Variants in RYR3 observed in about 807,000 individuals in gnomAD.
The protein encoded by RYR3 is ryanodine receptor 3, also known as brain ryanodine receptor-calcium release channel.
RYR3 carries 207 observed loss-of-function variants against 584.3 expected under a neutral mutation model. The ratio of observed to expected loss-of-function variants is 0.35; its 90% CI spans 0.32 to 0.40. The LOEUF is 0.40. RYR3 is among the 10% of genes least tolerant of loss of function. RYR3 has a pLI of 1.00. For synonymous variants in RYR3, 2,416 were observed against 2,248.5 expected (o/e 1.07, Z -2.11); for missense variants, 5,616 against 6,089.2 (o/e 0.92, Z 2.59).
intron 67 of RYR3, among the ~76,000 whole-genome samples, chr15:33,793,543 A>C (rs1310838850): frequency 6.6e-6 from 1 of 152,098 alleles, no homozygotes; most frequent in African/African-American, 2.4e-5. Flanking sequence ...ATATATAATA[A>C]AAAAAACTCC....
Position 33,702,400 on chromosome 15 carries a change from C to CA in RYR3, c.6483+1322dup, listed in dbSNP as rs554810038. Among the ~76,000 whole-genome samples, 36 of 152,294 alleles carry CA rather than the reference C, an allele frequency of 2.4e-4. No individual in the cohort carries two copies. In the East Asian group the frequency reaches 6.0e-3, roughly 25 times the overall value. ...TCAAAGCCCAAGACTGTGCTGGCTT[C>CA]AATTAATATTGATGCAGTGGGTGTG... On this transcript the variant is annotated intron_variant, in intron 42 of 103. Transcript: ENST00000634891.
chr15:33,550,136 T>G, intron 9 of RYR3, 24 bp from the exon 10 acceptor site: 1 of 1,605,334 alleles, frequency 6.2e-7, no homozygotes. Flanking sequence ...TAAATGCAAT[T>G]TCTTGTCTGT....
chr15:33,555,669 A>G (rs904260091), intron 10 of RYR3, among the ~76,000 whole-genome samples: 1 of 152,232 alleles, frequency 6.6e-6, no homozygotes, highest in African/African-American at 2.4e-5. Context: ...AAATGAGACC[A>G]GGAAGATGAC....
At chr15:33,759,479 C>T (rs1454020172) in intron 60 of RYR3, among the ~76,000 whole-genome samples, 1 of 152,166 alleles carries the variant, frequency 6.6e-6, no homozygotes, top group Non-Finnish European at 1.5e-5. Context: ...AAAAACACAG[C>T]ACAAGAACTT....
chr15:33,685,035 A>C (rs2064891869), intron 38 of RYR3, among the ~76,000 whole-genome samples: 1 of 152,242 alleles, frequency 6.6e-6, no homozygotes, highest in Non-Finnish European at 1.5e-5. Context: ...AAACTGTATC[A>C]ATTAACAGGC....
intron 16 of RYR3, among the ~76,000 whole-genome samples, chr15:33,598,960 C>T (rs1289882745): frequency 6.6e-6 from 1 of 151,850 alleles, no homozygotes; most frequent in African/African-American, 2.4e-5. Context: ...GAGACTGAGG[C>T]AGGAGAATGG....
intron 1 of RYR3, among the ~76,000 whole-genome samples, chr15:33,425,787 G>A (rs571417629): frequency 0.016 from 2,490 of 151,608 alleles, 32 homozygotes; most frequent in Middle Eastern, 0.027. Context: ...GACTACAGGC[G>A]CCCGCCACCA....
chr15:33,410,735 G>T (rs951833362), intron 1 of RYR3, among the ~76,000 whole-genome samples: 1 of 152,188 alleles, frequency 6.6e-6, no homozygotes, highest in Non-Finnish European at 1.5e-5. Flanking sequence ...GGAAGGCCAC[G>T]AGAGGAACCA....
At chr15:33,628,761 C>T (rs1038999410) in intron 21 of RYR3, among the ~76,000 whole-genome samples, 186 bp downstream of exon 21, 3 of 152,092 alleles carry the variant, frequency 2.0e-5, no homozygotes, top group East Asian at 3.8e-4. Flanking sequence ...TTATTTTATT[C>T]GGGATATAGC....
Position 33,494,103 on chromosome 15 carries a change from T to G in RYR3, c.172-9528T>G, listed in dbSNP as rs374766526. 5.0e-4 allele frequency among the ~76,000 whole-genome samples: 9 copies of G among 17,868 alleles called. No individual in the cohort carries two copies. The African/African-American group carries it at 9.5e-3, about 19-fold the overall frequency. The allele number at this position is 17,868 out of a possible 152,430, so 11.7% of individuals were successfully genotyped here. A position where few individuals can be genotyped will look rare whatever the true frequency, so the allele number is the denominator to read the frequency against. ...GGCAAAGAAACAGTGATTGTGGCTA[T>G]TTTTTTTTTTAGCTCTTTATCACAT... is the stretch of plus-strand genomic sequence containing the variant. On this transcript the variant is annotated intron_variant, in intron 2 of 103. Transcript: ENST00000634891.
chr15:33,613,948 G>C (rs1224896452), intron 19 of RYR3, among the ~76,000 whole-genome samples: 1 of 152,034 alleles, frequency 6.6e-6, no homozygotes, highest in African/African-American at 2.4e-5. Context: ...CCATTACTTT[G>C]CTGTTCAAGT....
At chr15:33,776,701 G>C (rs1173012021) in intron 64 of RYR3, among the ~76,000 whole-genome samples, 2 of 152,056 alleles carry the variant, frequency 1.3e-5, no homozygotes, top group African/African-American at 4.8e-5. Flanking sequence ...GTACCCTCTG[G>C]AATATAAATG....
At chr15:33,579,538 G>A (rs1413811979) in intron 12 of RYR3, among the ~76,000 whole-genome samples, 1 of 152,128 alleles carries the variant, frequency 6.6e-6, no homozygotes, top group African/African-American at 2.4e-5. Flanking sequence ...AAAAAAATGT[G>A]TGACAGACAA....
chr15:33,348,057 C>T (rs1269802171), intron 1 of RYR3, among the ~76,000 whole-genome samples: 1 of 151,998 alleles, frequency 6.6e-6, no homozygotes, highest in Non-Finnish European at 1.5e-5. Context: ...CAATCTGTGT[C>T]TCTAGTAAGC....
intron 1 of RYR3, among the ~76,000 whole-genome samples, chr15:33,430,142 T>G (rs147529021): frequency 1.3e-3 from 195 of 152,340 alleles, no homozygotes; most frequent in African/African-American, 4.5e-3. Flanking sequence ...CCAACCAAAT[T>G]GGGTCCACTC....
In RYR3 at chr15:33,729,018, C is replaced by G. The variant is rs775748700; in HGVS notation, c.7195C>G (p.Leu2399Val). ...ACCTGACCTAAGAGCTTCTGCCTCT[C>G]TAGATACAGTAAGTTGCAAAAATAA... Reference protein sequence around the residue: ...FLPDLRASASLDTVSLSTTEA... With the variant: ...FLPDLRASASVDTVSLSTTEA... The change falls in exon 47 of 104, where the codon CTA becomes GTA. Residue 2399 changes from leucine to valine, a missense_variant. Physicochemically the swap from Leu to Val is conservative, Grantham distance 32. Around this residue, in one of 9 missense-constraint regions of RYR3, gnomAD observed 1,280 missense variants for 1,426.2 expected, o/e 0.90. Transcript: ENST00000634891. 1 of 1,612,852 alleles carries G rather than the reference C, an allele frequency of 6.2e-7. No homozygotes were observed.
At chr15:33,400,022 C>T (rs911178367) in intron 1 of RYR3, among the ~76,000 whole-genome samples, 1 of 152,038 alleles carries the variant, frequency 6.6e-6, no homozygotes. Flanking sequence ...CTTCTCATGC[C>T]CCTCCCCTCT....
rs759720622 is a variant in RYR3, at chr15:33,811,027, T to C, written c.10247T>C (p.Leu3416Ser). Reference sequence around the variant, plus strand: ...GAACATCTGCGGAACAACTTGCACTTGCAGGAAAAGGTGATGACTCAGGAC... The same window carrying C: ...GAACATCTGCGGAACAACTTGCACTCGCAGGAAAAGGTGATGACTCAGGAC... ...VREHLRNNLHLQEKSDDPAVK... is the reference protein window; with the variant it reads ...VREHLRNNLHSQEKSDDPAVK... The change falls in exon 72 of 104, where the codon TTG becomes TCG. Residue 3416 changes from leucine to serine, a missense_variant. Coordinates refer to ENST00000634891, the MANE Select transcript of RYR3 (RefSeq NM_001036.6). The C allele has an allele frequency of 6.2e-7, 1 of 1,608,548 alleles. No homozygotes were observed.
At chr15:33,697,818 T>C (rs1028758139) in intron 39 of RYR3, 64 bp from the exon 40 acceptor site, 14 of 991,902 alleles carry the variant, frequency 1.4e-5, no homozygotes, top group Non-Finnish European at 2.3e-5. Flanking sequence ...TGTGTTCTCA[T>C]CCCTGAATTT....
Sources: gnomAD v4.1 joint callset for allele counts (sites outside exome capture counted in the v4.1 genomes callset) on GRCh38, gnomAD v4.1.1 for gene constraint, gnomAD v4.1.1 regional missense constraint, MANE v1.5 for transcripts, NCBI Gene and HGNC (gene_info 2026-07-23, HGNC 2026-07-21) for gene names.